The following SHISA9 variants were observed in gnomAD, a reference collection of about 807,000 sequenced individuals.
SHISA9 encodes the protein protein shisa-9.
Under a neutral mutation model 38.0 loss-of-function variants are expected in SHISA9, and 13 were observed. The ratio of observed to expected loss-of-function variants is 0.34; its 90% CI spans 0.22 to 0.54. SHISA9 has a LOEUF of 0.54. Ranked by LOEUF, SHISA9 falls within the 20% of genes least tolerant of loss-of-function variation. SHISA9 has a pLI of 0.91. For missense variants in SHISA9, 538 were observed against 575.8 expected (o/e 0.93, Z 0.67); for synonymous variants, 275 against 242.0 (o/e 1.14, Z -1.27).
At chr16:13,556,432 G>A in the SHISA9 span, among the ~76,000 whole-genome samples, 2 of 152,012 alleles carry the variant, frequency 1.3e-5, no homozygotes, top group Non-Finnish European at 1.5e-5. Flanking sequence ...AGGCCGAGGC[G>A]GGCGGATCAC....
At chr16:12,956,551 G>T (rs1430434314) in intron 2 of SHISA9, among the ~76,000 whole-genome samples, 2 of 152,192 alleles carry the variant, frequency 1.3e-5, no homozygotes, top group African/African-American at 4.8e-5. Context: ...GCCATAAAAA[G>T]AATGAAATCA....
At chr16:12,941,376 T>C (rs2071609074) in intron 2 of SHISA9, among the ~76,000 whole-genome samples, 1 of 152,160 alleles carries the variant, frequency 6.6e-6, no homozygotes, top group African/African-American at 2.4e-5. Flanking sequence ...TTGTTATATT[T>C]TAATGTTTTT....
At chr16:13,045,789 G>A (rs1469696724) in intron 2 of SHISA9, among the ~76,000 whole-genome samples, 1 of 152,046 alleles carries the variant, frequency 6.6e-6, no homozygotes, top group Non-Finnish European at 1.5e-5. Context: ...AGTCTGCACT[G>A]TGCCTAGGAA....
chr16:13,382,308 A>G, the SHISA9 span, among the ~76,000 whole-genome samples: 1 of 151,998 alleles, frequency 6.6e-6, no homozygotes, highest in East Asian at 1.9e-4. Context: ...AGGGTGGATC[A>G]CTTGAGGACA....
the SHISA9 span, among the ~76,000 whole-genome samples, chr16:13,260,010 T>TC: frequency 8.4e-5 from 8 of 94,942 alleles, no homozygotes; most frequent in African/African-American, 2.9e-4. Context: ...TTTCTTTCTT[T>TC]TTTTTTTTTT....
intron 2 of SHISA9, among the ~76,000 whole-genome samples, chr16:13,078,118 T>A (rs2141931839): frequency 6.6e-6 from 1 of 152,234 alleles, no homozygotes; most frequent in East Asian, 1.9e-4. Flanking sequence ...TTCTCTTGAG[T>A]AGTAATAATG....
chr16:13,388,512 A>G, the SHISA9 span, among the ~76,000 whole-genome samples: 1 of 151,954 alleles, frequency 6.6e-6, no homozygotes, highest in African/African-American at 2.4e-5. Context: ...GGTTTTCACC[A>G]TGTTGGCCGG....
intron 2 of SHISA9, among the ~76,000 whole-genome samples, chr16:13,169,817 C>T (rs1373341629): frequency 6.6e-6 from 1 of 152,148 alleles, no homozygotes; most frequent in Non-Finnish European, 1.5e-5. Flanking sequence ...TCACTCTCTT[C>T]TCTTGGGGCT....
At chr16:13,134,630 T>G (rs1004380662) in intron 2 of SHISA9, among the ~76,000 whole-genome samples, 1 of 152,070 alleles carries the variant, frequency 6.6e-6, no homozygotes, top group African/African-American at 2.4e-5. Flanking sequence ...GAGACGAGGC[T>G]GGAGAGATGG....
intron 2 of SHISA9, among the ~76,000 whole-genome samples, chr16:12,963,660 C>A (rs2071940099): frequency 6.6e-6 from 1 of 152,174 alleles, no homozygotes; most frequent in Admixed American, 6.5e-5. Flanking sequence ...AATGTGGAGA[C>A]TGAGGCACAA....
chr16:13,076,241 G>C (rs1291723679), intron 2 of SHISA9, among the ~76,000 whole-genome samples: 1 of 152,092 alleles, frequency 6.6e-6, no homozygotes, highest in African/African-American at 2.4e-5. Flanking sequence ...ATGTTGGCCA[G>C]GCTGGTCTCA....
chr16:13,286,373 C>T, the SHISA9 span, among the ~76,000 whole-genome samples: 1 of 152,112 alleles, frequency 6.6e-6, no homozygotes, highest in Non-Finnish European at 1.5e-5. Context: ...GCTTTAAACC[C>T]GAAGTCTCCA....
At chr16:12,937,508 G>C (rs78511894) in intron 2 of SHISA9, among the ~76,000 whole-genome samples, 2,689 of 152,316 alleles carry the variant, frequency 0.018, 38 homozygotes, top group Middle Eastern at 0.065. Context: ...AAATAACACA[G>C]ACTGGGTGGC....
intron 2 of SHISA9, among the ~76,000 whole-genome samples, chr16:13,087,678 T>C (rs1375472141): frequency 6.6e-6 from 1 of 152,224 alleles, no homozygotes; most frequent in East Asian, 1.9e-4. Flanking sequence ...GGGTTGTTTG[T>C]TTATTTCTTG....
chr16:13,309,433 A>C, the SHISA9 span, among the ~76,000 whole-genome samples: 1 of 152,076 alleles, frequency 6.6e-6, no homozygotes, highest in Non-Finnish European at 1.5e-5. Flanking sequence ...ACCCGAGGTC[A>C]GAAGTTTGAG....
rs1341617384 is a variant in SHISA9, at chr16:13,239,847, C to T, written c.*4438C>T. On this transcript the variant is annotated 3_prime_UTR_variant, in exon 5 of 5. Coordinates refer to ENST00000558583, the MANE Select transcript of SHISA9 (RefSeq NM_001145204.3). ...GAAGCTCTTTAGTTTAATTAGATCCCATTTGTCAATTTTGGCTTCCTCTTG... is the reference window on the plus strand; with the variant it reads ...GAAGCTCTTTAGTTTAATTAGATCCTATTTGTCAATTTTGGCTTCCTCTTG... 1 of 152,150 alleles carries T rather than the reference C, an allele frequency of 6.6e-6. No individual in the cohort carries two copies. Among genetic ancestry groups the T allele is most frequent in the Non-Finnish European group, 1.5e-5 (1 of 68,040 alleles). 9.4% of individuals were successfully genotyped at this position (152,150 alleles called of 1,614,324 possible).
chr16:12,902,666 C>G, intron 1 of SHISA9, 39 bp downstream of exon 1: 3 of 1,486,490 alleles, frequency 2.0e-6, no homozygotes, highest in South Asian at 1.3e-5. Flanking sequence ...CGGGGCTTCG[C>G]TCTCCCTGCT....
At chr16:12,940,895 A>G (rs936863993) in intron 2 of SHISA9, among the ~76,000 whole-genome samples, 1 of 152,224 alleles carries the variant, frequency 6.6e-6, no homozygotes, top group African/African-American at 2.4e-5. Context: ...CCCTTGGCAC[A>G]GTTCCTAAGA....
chr16:13,358,549 C>T, the SHISA9 span, among the ~76,000 whole-genome samples: 4 of 152,216 alleles, frequency 2.6e-5, no homozygotes, highest in Admixed American at 6.5e-5. Flanking sequence ...AATACAATTC[C>T]TCTATCTCTT....
Sources: allele counts gnomAD v4.1 joint callset (sites outside exome capture counted in the v4.1 genomes callset), GRCh38; gene constraint gnomAD v4.1.1; transcripts MANE v1.5; gene names NCBI Gene and HGNC (gene_info 2026-07-23, HGNC 2026-07-21).